The following RARB variants were observed in gnomAD, a reference collection of about 807,000 sequenced individuals.
RARB encodes the protein HBV-activated protein.
RARB carries 17 observed loss-of-function variants against 51.9 expected under a neutral mutation model. That is an observed-to-expected ratio of 0.33 (90% CI 0.22 to 0.49). The LOEUF (loss-of-function observed/expected upper bound fraction) is 0.49. RARB is among the 20% of genes least tolerant of loss of function. The pLI, the probability that RARB is intolerant of heterozygous loss-of-function variation, is 0.99. For synonymous variants in RARB, 215 were observed against 195.4 expected, an observed-to-expected ratio of 1.10 and a Z score of -0.84; for missense variants, 369 against 550.8, an observed-to-expected ratio of 0.67 and a Z score of 3.30.
intron 2 of RARB, among the ~76,000 whole-genome samples, chr3:24,875,820 C>T (rs1055838436): frequency 6.6e-6 from 1 of 152,074 alleles, no homozygotes; most frequent in East Asian, 1.9e-4. Flanking sequence ...TTCCCTGTTT[C>T]AGGATAGAAT....
At chr3:25,060,451 A>AG (rs1245721072) in intron 3 of RARB, among the ~76,000 whole-genome samples, 1 of 151,812 alleles carries the variant, frequency 6.6e-6, no homozygotes, top group Non-Finnish European at 1.5e-5. Context: ...GCAAACTATA[A>AG]GGGGCCAGAT....
intron 5 of RARB, among the ~76,000 whole-genome samples, chr3:25,293,606 A>AAAAAAAAAAAAAAAC: frequency 6.7e-6 from 1 of 149,368 alleles, no homozygotes; most frequent in South Asian, 2.1e-4. Flanking sequence ...TTAAAAAAAA[A>AAAAAAAAAAAAAAAC]AAAAAAAAAA....
chr3:24,854,622 C>T (rs1702609281), intron 1 of RARB, among the ~76,000 whole-genome samples: 1 of 152,026 alleles, frequency 6.6e-6, no homozygotes, highest in Non-Finnish European at 1.5e-5. Flanking sequence ...TTTAATAAGC[C>T]CTCCTCTTCT....
chr3:25,576,261 A>G (rs111404934), intron 4 of RARB, among the ~76,000 whole-genome samples: 1,680 of 152,256 alleles, frequency 0.011, 28 homozygotes, highest in African/African-American at 0.039. Context: ...TAGTCATGAG[A>G]AAAAGCAGTT....
chr3:25,209,983 T>C (rs1286324165), intron 5 of RARB, among the ~76,000 whole-genome samples: 1 of 152,176 alleles, frequency 6.6e-6, no homozygotes, highest in East Asian at 1.9e-4. Flanking sequence ...TCTTCTGACA[T>C]ATTACTATAG....
chr3:25,544,032 C>T (rs915128074), intron 3 of RARB, among the ~76,000 whole-genome samples: 10 of 151,998 alleles, frequency 6.6e-5, no homozygotes, highest in African/African-American at 1.7e-4. Flanking sequence ...AAAGGACTGA[C>T]GGGAAAAGAA....
intron 5 of RARB, among the ~76,000 whole-genome samples, chr3:25,202,175 G>A (rs900549959): frequency 2.4e-4 from 37 of 152,266 alleles, no homozygotes; most frequent in South Asian, 4.1e-4. Context: ...GGGTGTATGT[G>A]TCAAGGAATT....
chr3:25,539,985 G>A lies in RARB; in HGVS notation c.449-29773G>A, dbSNP rs527318035. Among the ~76,000 whole-genome samples the A allele has an allele frequency of 3.3e-5, 5 of 152,132 alleles. No individual in the cohort carries two copies. The South Asian group carries it at 6.2e-4, about 19-fold the overall frequency. Reference sequence around the variant, plus strand: ...CACATATACAAAGGGCCAACTTCTCGTACACACAGGTTCTGCAGGGCCGAC... The same window carrying A: ...CACATATACAAAGGGCCAACTTCTCATACACACAGGTTCTGCAGGGCCGAC... On this transcript the variant is annotated intron_variant, in intron 3 of 7. Coordinates refer to ENST00000330688, the MANE Select transcript of RARB (RefSeq NM_000965.5).
At chr3:25,264,394 C>G (rs531257403) in intron 5 of RARB, among the ~76,000 whole-genome samples, 2 of 152,184 alleles carry the variant, frequency 1.3e-5, no homozygotes, top group South Asian at 4.1e-4. Context: ...AAGGCTAAGA[C>G]CCAGTCTCCA....
intron 3 of RARB, among the ~76,000 whole-genome samples, chr3:25,509,736 C>T (rs1697794983): frequency 1.3e-5 from 2 of 152,184 alleles, no homozygotes; most frequent in African/African-American, 4.8e-5. Flanking sequence ...GGCCCCCTTC[C>T]TTCCTCAGTC....
At chr3:25,210,274 A>G (rs916601275) in intron 5 of RARB, among the ~76,000 whole-genome samples, 5 of 152,134 alleles carry the variant, frequency 3.3e-5, no homozygotes, top group Non-Finnish European at 5.9e-5. Flanking sequence ...TCCTGTCCCA[A>G]TACACCCTGT....
At chr3:25,520,612 T>C (rs1456774584) in intron 3 of RARB, among the ~76,000 whole-genome samples, 1 of 152,216 alleles carries the variant, frequency 6.6e-6, no homozygotes, top group African/African-American at 2.4e-5. Flanking sequence ...TTTTCTTATC[T>C]AGAAATTGCC....
At chr3:25,420,240 T>C (rs2125506393) in intron 5 of RARB, among the ~76,000 whole-genome samples, 1 of 152,350 alleles carries the variant, frequency 6.6e-6, no homozygotes, top group East Asian at 1.9e-4. Flanking sequence ...CCTTTTTCTC[T>C]GTCAGACACT....
At chr3:25,331,170 C>T (rs1466756098) in intron 5 of RARB, among the ~76,000 whole-genome samples, 1 of 152,192 alleles carries the variant, frequency 6.6e-6, no homozygotes, top group African/African-American at 2.4e-5. Context: ...CTGCACCAAG[C>T]AGACCTAATA....
At chr3:25,531,388 GTAGATAGA>G (rs142863604) in intron 3 of RARB, among the ~76,000 whole-genome samples, 5,036 of 145,422 alleles carry the variant, frequency 0.035, 233 homozygotes, top group African/African-American at 0.11. Flanking sequence ...AGATAGATAG[GTAGATAGA>G]TAGATAGATA....
At chr3:25,235,881 C>G (rs1427329781) in intron 5 of RARB, among the ~76,000 whole-genome samples, 1 of 152,146 alleles carries the variant, frequency 6.6e-6, no homozygotes, top group Non-Finnish European at 1.5e-5. Flanking sequence ...ACATATTACT[C>G]CACTACTTAT....
chr3:24,985,343 T>G (rs1696764963), intron 2 of RARB, among the ~76,000 whole-genome samples: 1 of 144,518 alleles, frequency 6.9e-6, no homozygotes, highest in Non-Finnish European at 1.5e-5. Context: ...GCCTCATGGT[T>G]TTTTTGTTTT....
chr3:25,361,528 CA>C (rs1705933998), intron 5 of RARB, among the ~76,000 whole-genome samples: 1 of 152,144 alleles, frequency 6.6e-6, no homozygotes, highest in African/African-American at 2.4e-5. Context: ...CCCTTGCTGC[CA>C]AGGAGTTGTG....
At chr3:25,030,626 T>C (rs1697851160) in intron 2 of RARB, among the ~76,000 whole-genome samples, 1 of 152,212 alleles carries the variant, frequency 6.6e-6, no homozygotes, top group African/African-American at 2.4e-5. Context: ...GTTCAGCTTT[T>C]TGTAGAGCAG....
Sources: gnomAD v4.1 joint callset for allele counts (sites outside exome capture counted in the v4.1 genomes callset) on GRCh38, gnomAD v4.1.1 for gene constraint, MANE v1.5 for transcripts, NCBI Gene and HGNC (gene_info 2026-07-23, HGNC 2026-07-21) for gene names.